The following PTPRT variants were observed in gnomAD, a reference collection of about 807,000 sequenced individuals.
The protein encoded by PTPRT is receptor-type tyrosine-protein phosphatase T.
Under a neutral mutation model 176.8 loss-of-function variants are expected in PTPRT, and 56 were observed. The observed-to-expected ratio is 0.32, with a 90% confidence interval of 0.26 to 0.40. The LOEUF (loss-of-function observed/expected upper bound fraction) is 0.40. Ranked by LOEUF, PTPRT falls within the 10% of genes least tolerant of loss-of-function variation. The pLI is 1.00. For missense variants in PTPRT, 1,540 were observed against 1,908.2 expected, an observed-to-expected ratio of 0.81 and a Z score of 3.60; for synonymous variants, 783 against 739.0, an observed-to-expected ratio of 1.06 and a Z score of -0.96.
chr20:42,788,719 TAGCTGCGGGATTCTCCAGCAATGG>T (rs1339669009), intron 3 of PTPRT, among the ~76,000 whole-genome samples: 3 of 152,138 alleles, frequency 2.0e-5, no homozygotes, highest in Non-Finnish European at 1.5e-5. Flanking sequence ...TTACAAGAGA[TAGCTGCGGGATTCTCCAGCAATGG>T]AGGATGAGAA....
At position 42,074,733 on chromosome 20, in the gene PTPRT, A is replaced by C. The variant is rs1420230202; in HGVS notation, c.*6146T>G. ...GCCTCCTTTTAGAGACCTAACATTC[A>C]TGAGTGGATTTCAGTTGGTGAATGC... On this transcript the variant is annotated 3_prime_UTR_variant, in exon 31 of 31. Coordinates refer to ENST00000373187, the MANE Select transcript of PTPRT (RefSeq NM_007050.6). The C allele has an allele frequency of 2.5e-6, 1 of 398,468 alleles. No individual in the cohort carries two copies. Among genetic ancestry groups the C allele is most frequent in the Non-Finnish European group, 4.4e-6 (1 of 226,070 alleles). 24.7% of individuals were successfully genotyped at this position (398,468 alleles called of 1,614,324 possible).
chr20:42,732,411 T>C (rs1445974225), intron 6 of PTPRT, among the ~76,000 whole-genome samples: 2 of 152,176 alleles, frequency 1.3e-5, no homozygotes, highest in Non-Finnish European at 2.9e-5. Context: ...GCAATAAATA[T>C]GTGAGTAAAT....
chr20:42,522,922 C>T (rs1852262520), intron 7 of PTPRT, among the ~76,000 whole-genome samples: 1 of 152,116 alleles, frequency 6.6e-6, no homozygotes, highest in South Asian at 2.1e-4. Context: ...ATGGTATGCA[C>T]GAATATGGTG....
intron 15 of PTPRT, among the ~76,000 whole-genome samples, chr20:42,235,014 G>A (rs369360659): frequency 2.0e-5 from 3 of 152,150 alleles, no homozygotes; most frequent in African/African-American, 4.8e-5. Context: ...ACATTTTACC[G>A]GAAGCCAGGC....
chr20:42,615,029 G>A (rs1019438754), intron 7 of PTPRT, among the ~76,000 whole-genome samples: 1 of 140,376 alleles, frequency 7.1e-6, no homozygotes, highest in Non-Finnish European at 1.5e-5. Context: ...CTGGTGTGCT[G>A]CACCCACTAA....
chr20:42,321,717 T>C (rs1309535254), intron 11 of PTPRT, among the ~76,000 whole-genome samples: 2 of 152,134 alleles, frequency 1.3e-5, no homozygotes, highest in Non-Finnish European at 2.9e-5. Flanking sequence ...AGGTCTGAGA[T>C]CTTGTCATCT....
intron 7 of PTPRT, among the ~76,000 whole-genome samples, chr20:42,654,208 A>G (rs1175958332): frequency 6.6e-6 from 1 of 152,130 alleles, no homozygotes; most frequent in Non-Finnish European, 1.5e-5. Flanking sequence ...TCCCATAGAG[A>G]ATGAACAGCA....
At chr20:42,116,055 G>T (rs768256114) in intron 21 of PTPRT, 1 of 725,084 alleles carries the variant, frequency 1.4e-6, no homozygotes, top group Non-Finnish European at 2.6e-6. Context: ...GGGGGACGCC[G>T]CACGGCCTAG....
chr20:42,858,400 C>A (rs142617165), intron 2 of PTPRT, among the ~76,000 whole-genome samples: 1 of 152,192 alleles, frequency 6.6e-6, no homozygotes, highest in African/African-American at 2.4e-5. Flanking sequence ...GAAGGCAGGC[C>A]AGGATGATCA....
chr20:43,064,082 CT>C (rs1987582349), intron 1 of PTPRT, among the ~76,000 whole-genome samples: 1 of 152,092 alleles, frequency 6.6e-6, no homozygotes, highest in South Asian at 2.1e-4. Context: ...CCTATTCATC[CT>C]ACCCAATTTC....
At chr20:42,547,579 T>G (rs1315682312) in intron 7 of PTPRT, among the ~76,000 whole-genome samples, 3 of 152,078 alleles carry the variant, frequency 2.0e-5, no homozygotes, top group African/African-American at 7.2e-5. Flanking sequence ...ATTAAATCTT[T>G]CAGCAAACTA....
intron 11 of PTPRT, among the ~76,000 whole-genome samples, chr20:42,346,019 T>A (rs1193673653): frequency 6.6e-6 from 1 of 152,044 alleles, no homozygotes; most frequent in African/African-American, 2.4e-5. Flanking sequence ...ACTCCAGCAG[T>A]TCAGTGGGGG....
At chr20:42,213,122 G>C (rs1048102719) in intron 15 of PTPRT, among the ~76,000 whole-genome samples, 5 of 152,142 alleles carry the variant, frequency 3.3e-5, no homozygotes, top group South Asian at 4.1e-4. Flanking sequence ...GCTTCACCTG[G>C]GGATGTATTA....
intron 1 of PTPRT, among the ~76,000 whole-genome samples, chr20:43,014,002 C>G (rs568874010): frequency 5.3e-5 from 8 of 152,198 alleles, no homozygotes; most frequent in Non-Finnish European, 8.8e-5. Context: ...TCTTAACACA[C>G]AGAAAATACT....
At chr20:42,094,017 G>T (rs1251165677) in intron 27 of PTPRT, among the ~76,000 whole-genome samples, 2 of 152,230 alleles carry the variant, frequency 1.3e-5, no homozygotes, top group African/African-American at 4.8e-5. Flanking sequence ...CTCAAACTCT[G>T]TACCAACATC....
At chr20:42,395,270 G>A (rs1052361977) in intron 9 of PTPRT, among the ~76,000 whole-genome samples, 1 of 152,150 alleles carries the variant, frequency 6.6e-6, no homozygotes, top group Non-Finnish European at 1.5e-5. Flanking sequence ...GTTCCATGGT[G>A]AGAACACGGC....
intron 1 of PTPRT, among the ~76,000 whole-genome samples, chr20:43,106,526 G>A (rs867956000): frequency 5.9e-5 from 9 of 151,840 alleles, no homozygotes; most frequent in East Asian, 2.0e-4. Context: ...GCGTGATGGC[G>A]GGCACCTGTA....
intron 23 of PTPRT, 82 bp from the exon 24 acceptor site, chr20:42,107,003 C>G: frequency 6.6e-7 from 1 of 1,518,478 alleles, no homozygotes; most frequent in Non-Finnish European, 8.9e-7. Context: ...CAGCCCTATC[C>G]CCAAGGGTCC....
intron 2 of PTPRT, among the ~76,000 whole-genome samples, chr20:42,792,699 T>A (rs1487676845): frequency 6.6e-6 from 1 of 152,164 alleles, no homozygotes; most frequent in African/African-American, 2.4e-5. Flanking sequence ...AGACCACTTA[T>A]CCTCAGCCAA....
Sources: allele counts gnomAD v4.1 joint callset (sites outside exome capture counted in the v4.1 genomes callset), GRCh38; gene constraint gnomAD v4.1.1; transcripts MANE v1.5; gene names NCBI Gene and HGNC (gene_info 2026-07-23, HGNC 2026-07-21).